WARS2: variants seen among roughly 807,000 people sequenced by gnomAD.
WARS2 encodes tryptophanyl tRNA synthetase 2, mitochondrial.
Under a neutral mutation model 36.5 loss-of-function variants are expected in WARS2, and 28 were observed. The ratio of observed to expected loss-of-function variants is 0.77; its 90% CI spans 0.57 to 1.05. WARS2 has a LOEUF of 1.05. Ranked by LOEUF, WARS2 falls within the 50% of genes least tolerant of loss-of-function variation. WARS2 has a pLI of 0.00. For missense variants in WARS2, 435 were observed against 456.8 expected (o/e 0.95, Z 0.44); for synonymous variants, 174 against 178.4 (o/e 0.98, Z 0.20).
At chr1:119,126,350 A>G (rs587648638) in intron 1 of WARS2, among the ~76,000 whole-genome samples, 1 of 152,266 alleles carries the variant, frequency 6.6e-6, no homozygotes, top group Admixed American at 6.5e-5. Flanking sequence ...TTAAGCTCTC[A>G]ACCCTGCTTA....
intron 1 of WARS2, among the ~76,000 whole-genome samples, chr1:119,098,912 T>C (rs1462735315): frequency 2.6e-5 from 4 of 151,854 alleles, no homozygotes; most frequent in African/African-American, 4.8e-5. Context: ...AATTTTTGTA[T>C]TTTTAGTAGA....
At chr1:119,063,990 G>T (rs567633584) in intron 2 of WARS2, 4 of 152,244 alleles carry the variant, frequency 2.6e-5, no homozygotes, top group Non-Finnish European at 5.9e-5. Flanking sequence ...TAGACCCACC[G>T]ACAGCTTGCA....
intron 1 of WARS2, among the ~76,000 whole-genome samples, chr1:119,088,315 T>G (rs1354554586): frequency 6.6e-6 from 1 of 152,088 alleles, no homozygotes; most frequent in East Asian, 1.9e-4. Flanking sequence ...GCATGAGCAA[T>G]GGGAGTTTTA....
intron 1 of WARS2, among the ~76,000 whole-genome samples, chr1:119,112,197 T>C (rs1654686735): frequency 1.3e-5 from 2 of 152,236 alleles, no homozygotes; most frequent in Middle Eastern, 3.4e-3. Flanking sequence ...GCTGCAATTA[T>C]AGGCATGAGC....
intron 1 of WARS2, among the ~76,000 whole-genome samples, chr1:119,129,629 C>T (rs377620082): frequency 2.2e-4 from 34 of 152,104 alleles, no homozygotes; most frequent in Admixed American, 1.9e-3. Context: ...CAAGGAGGAT[C>T]GCTTGAGTCC....
intron 1 of WARS2, among the ~76,000 whole-genome samples, chr1:119,129,301 T>C (rs1007581083): frequency 6.6e-6 from 1 of 152,184 alleles, no homozygotes; most frequent in African/African-American, 2.4e-5. Context: ...CTTCCCAGCC[T>C]CCAGAACTGT....
chr1:119,108,959 A>G (rs1654430789), intron 1 of WARS2, among the ~76,000 whole-genome samples: 1 of 151,904 alleles, frequency 6.6e-6, no homozygotes, highest in Non-Finnish European at 1.5e-5. Context: ...TTCTCCTGAG[A>G]TTTTATATTT....
intron 2 of WARS2, among the ~76,000 whole-genome samples, chr1:119,072,981 C>T (rs1651441719): frequency 6.6e-6 from 1 of 151,544 alleles, no homozygotes; most frequent in Non-Finnish European, 1.5e-5. Flanking sequence ...GTTGTGAGAC[C>T]CCATCTCTCC....
At chr1:119,084,636 A>G (rs1652481746) in intron 1 of WARS2, among the ~76,000 whole-genome samples, 1 of 152,224 alleles carries the variant, frequency 6.6e-6, no homozygotes, top group South Asian at 2.1e-4. Context: ...CAAACCGAGT[A>G]ACTGGAAAGG....
Position 119,042,195 on chromosome 1 carries a change from A to G in WARS2, c.515+69T>C. 3.4e-6 allele frequency: 5 copies of G among 1,469,356 alleles called. No individual in the cohort carries two copies. In the South Asian group the frequency reaches 4.6e-5, roughly 14 times the overall value. The allele number at this position is 1,469,356 out of a possible 1,614,324, so 91.0% of individuals were successfully genotyped here. A position where few individuals can be genotyped will look rare whatever the true frequency, so the allele number is the denominator to read the frequency against. ...CCCCTTGCCCATGAACCAAGTCTGTATTGAATAGGTTAAAACACTCTCTTG... is the reference window on the plus strand; with the variant it reads ...CCCCTTGCCCATGAACCAAGTCTGTGTTGAATAGGTTAAAACACTCTCTTG... On this transcript the variant is annotated intron_variant, in intron 4 of 5. Coordinates refer to ENST00000235521, the MANE Select transcript of WARS2 (RefSeq NM_015836.4).
chr1:119,081,262 G>C (rs1460314683), intron 1 of WARS2, among the ~76,000 whole-genome samples: 1 of 152,174 alleles, frequency 6.6e-6, no homozygotes, highest in Non-Finnish European at 1.5e-5. Context: ...AAATTCCCAA[G>C]TTATTAATTA....
chr1:119,110,789 C>T (rs1010166164), intron 1 of WARS2, among the ~76,000 whole-genome samples: 11 of 151,932 alleles, frequency 7.2e-5, no homozygotes, highest in Non-Finnish European at 1.5e-4. Context: ...GTATTTGTAA[C>T]TTTTATAGTT....
At chr1:119,126,965 A>C in intron 1 of WARS2, 2 of 735,690 alleles carry the variant, frequency 2.7e-6, no homozygotes, top group Non-Finnish European at 4.9e-6. Flanking sequence ...ATCATGGAAC[A>C]CATTTTGTCA....
chr1:119,055,302 C>T (rs998106004), intron 2 of WARS2, among the ~76,000 whole-genome samples: 26 of 151,978 alleles, frequency 1.7e-4, no homozygotes, highest in African/African-American at 4.6e-4. Context: ...TAGAGAGAAA[C>T]GAAATGGCTA....
rs567909552 is a variant in WARS2 at position 119,040,746 on chromosome 1, T to C, written c.515+1518A>G. ...GTACTGCCTGGCCTATATTTCATTT[T>C]AATCCTTTAATAATCCTGTGCTTAA... On this transcript the variant is annotated intron_variant, in intron 4 of 5. Coordinates refer to ENST00000235521, the MANE Select transcript of WARS2 (RefSeq NM_015836.4). Among the ~76,000 whole-genome samples the C allele has an allele frequency of 1.2e-4, 18 of 152,370 alleles. No individual in the cohort carries two copies. The South Asian group carries it at 3.5e-3, about 30-fold the overall frequency.
intron 1 of WARS2, among the ~76,000 whole-genome samples, chr1:119,123,878 T>C (rs1655486692): frequency 6.6e-6 from 1 of 151,966 alleles, no homozygotes; most frequent in Non-Finnish European, 1.5e-5. Flanking sequence ...CAGCACAGTC[T>C]ATACTGAGAA....
intron 1 of WARS2, among the ~76,000 whole-genome samples, chr1:119,109,027 G>A (rs969779434): frequency 6.6e-6 from 1 of 151,888 alleles, no homozygotes; most frequent in Non-Finnish European, 1.5e-5. Flanking sequence ...GGATTTTCCA[G>A]CATCTTTCTG....
chr1:119,082,819 A>AC (rs1227244862), intron 1 of WARS2, among the ~76,000 whole-genome samples: 1 of 152,116 alleles, frequency 6.6e-6, no homozygotes, highest in Non-Finnish European at 1.5e-5. Flanking sequence ...TGAAGGTGTG[A>AC]CCCCCTCAAA....
intron 4 of WARS2, among the ~76,000 whole-genome samples, chr1:119,036,653 A>G (rs3790553): frequency 0.15 from 22,162 of 152,246 alleles, 2,350 homozygotes; most frequent in Admixed American, 0.32. Context: ...ATATTTCCAC[A>G]TGTCAAAATG....
Sources: allele counts gnomAD v4.1 joint callset (sites outside exome capture counted in the v4.1 genomes callset), GRCh38; gene constraint gnomAD v4.1.1; transcripts MANE v1.5; gene names NCBI Gene and HGNC (gene_info 2026-07-23, HGNC 2026-07-21).